R3HDM1: variants seen among roughly 807,000 people sequenced by gnomAD.
The protein encoded by R3HDM1 is R3H domain containing 1.
In R3HDM1, 46 loss-of-function variants were observed where a neutral mutation model predicts 141.1. The ratio of observed to expected loss-of-function variants is 0.33; its 90% CI spans 0.26 to 0.42. The LOEUF (loss-of-function observed/expected upper bound fraction) is 0.42. Among genes scored for constraint, R3HDM1 ranks in the 10% least tolerant of loss-of-function variants. R3HDM1 has a pLI of 1.00. For synonymous variants in R3HDM1, 435 were observed against 472.9 expected (o/e 0.92, Z 1.04); for missense variants, 1,184 against 1,368.3 (o/e 0.87, Z 2.12).
intron 21 of R3HDM1, among the ~76,000 whole-genome samples, chr2:135,694,476 AG>A (rs1216487595): frequency 6.6e-6 from 1 of 152,198 alleles, no homozygotes; most frequent in Non-Finnish European, 1.5e-5. Flanking sequence ...GCCAAAATGG[AG>A]TAATATAGAC....
intron 3 of R3HDM1, among the ~76,000 whole-genome samples, chr2:135,608,361 TATTGACCCTGC>T (rs2060257071): frequency 6.6e-6 from 1 of 151,896 alleles, no homozygotes; most frequent in African/African-American, 2.4e-5. Flanking sequence ...TATGTAAGAA[TATTGACCCTGC>T]TTTGAGCTTT....
rs74499147 is a variant in R3HDM1, at chr2:135,665,260, G to A, written c.2152+3867G>A. The A allele has an allele frequency of 4.8e-3, 1,587 of 332,934 alleles. 21 individuals carry two copies. Among genetic ancestry groups the A allele is most frequent in the African/African-American group, 0.03 (1,391 of 46,944 alleles). The allele number at this position is 332,934 out of a possible 1,614,324, so 20.6% of individuals were successfully genotyped here. A position where few individuals can be genotyped will look rare whatever the true frequency, so the allele number is the denominator to read the frequency against. ...TATAGTATAAAGAAACTTTCTGCAG[G>A]TAGTAATTATAGTGAAGATTTTAGG... is the stretch of plus-strand genomic sequence containing the variant. On this transcript the variant is annotated intron_variant, in intron 19 of 26. Coordinates refer to ENST00000683871, the MANE Select transcript of R3HDM1 (RefSeq NM_001378107.1).
Position 135,722,462 on chromosome 2 carries a change from T to G in R3HDM1, c.2965-7T>G. ...ACGTTGTTTCTCAACTATTTGTGGG[T>G]TTTCAGGGTCAGCCTGGCAGCAGGC... is the stretch of plus-strand genomic sequence containing the variant. On this transcript the variant is annotated splice_polypyrimidine_tract_variant and splice_region_variant and intron_variant, in intron 25 of 26. Coordinates refer to ENST00000683871, the MANE Select transcript of R3HDM1 (RefSeq NM_001378107.1). The G allele has an allele frequency of 6.2e-7, 1 of 1,613,244 alleles. No individual in the cohort carries two copies.
chr2:135,578,827 C>T (rs1181869402), intron 1 of R3HDM1, among the ~76,000 whole-genome samples: 1 of 152,142 alleles, frequency 6.6e-6, no homozygotes, highest in Non-Finnish European at 1.5e-5. Context: ...TAATGAAAGT[C>T]AGACTTCTCA....
intron 1 of R3HDM1, among the ~76,000 whole-genome samples, chr2:135,564,552 C>T (rs1416335643): frequency 6.6e-6 from 1 of 152,180 alleles, no homozygotes; most frequent in African/African-American, 2.4e-5. Flanking sequence ...CTCCTGACCT[C>T]AGGTGATCCA....
At chr2:135,535,202 A>G (rs1183697043) in intron 1 of R3HDM1, among the ~76,000 whole-genome samples, 3 of 152,148 alleles carry the variant, frequency 2.0e-5, no homozygotes, top group Non-Finnish European at 4.4e-5. Context: ...TTATAACTTA[A>G]GATAACTAAA....
intron 3 of R3HDM1, chr2:135,607,884 G>T (rs2060209890): frequency 1.0e-6 from 1 of 982,924 alleles, no homozygotes; most frequent in Non-Finnish European, 1.2e-6. Context: ...ACAAACATGG[G>T]TATGGTCTTT....
In R3HDM1 at chr2:135,621,412, T is replaced by C. The variant is rs558837141; in HGVS notation, c.304-82T>C. ...AATCTTTTTCCTCTGTACAATTCTG[T>C]GTTACTCAAAAAATATAAATGTGTG... On this transcript the variant is annotated intron_variant, in intron 5 of 26. Transcript: ENST00000683871. The C allele has an allele frequency of 2.0e-4, 163 of 835,430 alleles. 1 individual carries two copies. Among genetic ancestry groups the C allele is most frequent in the Non-Finnish European group, 4.4e-5 (25 of 562,418 alleles). The allele number at this position is 835,430 out of a possible 1,614,324, so 51.8% of individuals were successfully genotyped here. A position where few individuals can be genotyped will look rare whatever the true frequency, so the allele number is the denominator to read the frequency against.
intron 21 of R3HDM1, among the ~76,000 whole-genome samples, chr2:135,690,684 C>T (rs2072223375): frequency 6.6e-6 from 1 of 151,674 alleles, no homozygotes; most frequent in African/African-American, 2.4e-5. Context: ...TCAGAACATT[C>T]ATTTCTTCTT....
chr2:135,697,712 C>T (rs1485122909), intron 21 of R3HDM1, among the ~76,000 whole-genome samples: 1 of 152,106 alleles, frequency 6.6e-6, no homozygotes, highest in Non-Finnish European at 1.5e-5. Flanking sequence ...CAACTATGTT[C>T]TTTTGGGATA....
intron 19 of R3HDM1, among the ~76,000 whole-genome samples, chr2:135,668,675 A>C (rs2067883990): frequency 1.3e-5 from 2 of 152,208 alleles, no homozygotes; most frequent in South Asian, 4.1e-4. Flanking sequence ...TCATTGCTTC[A>C]CAGAACTTCA....
At chr2:135,661,234 A>G in intron 18 of R3HDM1, 36 bp from the exon 19 acceptor site, 1 of 1,611,380 alleles carries the variant, frequency 6.2e-7, no homozygotes, top group African/African-American at 1.3e-5. Flanking sequence ...TAATGCAAGT[A>G]AAATTGATTT....
At chr2:135,699,105 T>TAGATAA (rs1332113353) in intron 21 of R3HDM1, among the ~76,000 whole-genome samples, 2 of 73,688 alleles carry the variant, frequency 2.7e-5, no homozygotes, top group African/African-American at 7.8e-5. Flanking sequence ...ATAGATAGAT[T>TAGATAA]AGATATTCCA....
chr2:135,550,338 C>A, intron 1 of R3HDM1: 1 of 621,062 alleles, frequency 1.6e-6, no homozygotes, highest in Non-Finnish European at 2.0e-6. Flanking sequence ...TTTCATACAG[C>A]TACTCTACCA....
At chr2:135,664,057 G>A (rs2067138729) in intron 19 of R3HDM1, among the ~76,000 whole-genome samples, 2 of 149,334 alleles carry the variant, frequency 1.3e-5, no homozygotes, top group Non-Finnish European at 3.0e-5. Context: ...AAACTTAACA[G>A]AAAAGTGTGC....
chr2:135,641,751 G>A lies in R3HDM1; in HGVS notation c.1435G>A (p.Gly479Ser). The change falls in exon 15 of 27, where the codon GGC (glycine) becomes AGC (serine). Residue 479 changes from glycine to serine, a missense_variant. Physicochemically the swap from Gly to Ser is moderately conservative, Grantham distance 56 (BLOSUM62 0). Around this residue, in one of 5 missense-constraint regions of R3HDM1, gnomAD observed 563 missense variants for 562.0 expected, o/e 1.00. Transcript: ENST00000683871. ...CTTTTTGCTTCCCTTGGAAGCGGCAGGCATACCACCTGGCAGTATTCTGAT... is the reference window on the plus strand; with the variant it reads ...CTTTTTGCTTCCCTTGGAAGCGGCAAGCATACCACCTGGCAGTATTCTGAT... ...SFFLLPLEAA[G>S]IPPGSILINP... 6.2e-7 allele frequency: 1 copy of A among 1,614,076 alleles called. No homozygotes were observed.
intron 21 of R3HDM1, among the ~76,000 whole-genome samples, chr2:135,680,729 C>T (rs532733945): frequency 1.3e-5 from 2 of 152,278 alleles, no homozygotes; most frequent in South Asian, 2.1e-4. Flanking sequence ...AAGATTGCGC[C>T]GTTGCACTCC....
chr2:135,549,415 C>T (rs950604883), intron 1 of R3HDM1, among the ~76,000 whole-genome samples: 32 of 151,742 alleles, frequency 2.1e-4, no homozygotes, highest in African/African-American at 7.7e-4. Flanking sequence ...ATTAGCTGGG[C>T]GTGATGGTGG....
intron 16 of R3HDM1, among the ~76,000 whole-genome samples, chr2:135,647,151 T>C (rs929797047): frequency 1.3e-5 from 2 of 152,152 alleles, no homozygotes; most frequent in African/African-American, 2.4e-5. Context: ...GTAGAAGAGA[T>C]TGCCTAAAAC....
Sources: gnomAD v4.1 joint callset for allele counts (sites outside exome capture counted in the v4.1 genomes callset) on GRCh38, gnomAD v4.1.1 for gene constraint, gnomAD v4.1.1 regional missense constraint, MANE v1.5 for transcripts, NCBI Gene and HGNC (gene_info 2026-07-23, HGNC 2026-07-21) for gene names.